R3HDM1: variants seen among roughly 807,000 people sequenced by gnomAD.
R3HDM1 encodes the protein R3H domain containing 1.
R3HDM1 carries 46 observed loss-of-function variants against 141.1 expected under a neutral mutation model. The ratio of observed to expected loss-of-function variants is 0.33; its 90% CI spans 0.26 to 0.42. The LOEUF (loss-of-function observed/expected upper bound fraction) is 0.42, where lower values mean the gene tolerates loss of function less well. R3HDM1 is among the 10% of genes least tolerant of loss of function. R3HDM1 has a pLI of 1.00. For missense variants in R3HDM1, 1,184 were observed against 1,368.3 expected (o/e 0.87, Z 2.12); for synonymous variants, 435 against 472.9 (o/e 0.92, Z 1.04).
rs2062752148 is a variant in R3HDM1, at chr2:135,631,909, A to G, written c.606A>G (p.Leu202=). 1 of 1,612,428 alleles carries G rather than the reference A, an allele frequency of 6.2e-7. No individual in the cohort carries two copies. The highest frequency in any genetic ancestry group is 8.5e-7 in the Non-Finnish European group (1 of 1,178,648). Residue 202 remains leucine, a synonymous_variant, in exon 9 of 27, where the codon CTA becomes CTG. Transcript: ENST00000683871. ...CAATGACATCTTACCATAGGATGCT[A>G]TTACACAGAGTAGCCGCTTACTTTG... The part of the protein sequence containing the change: ...FPPMTSYHRM[L]LHRVAAYFGL...
intron 21 of R3HDM1, among the ~76,000 whole-genome samples, chr2:135,704,708 C>T (rs1290471148): frequency 6.6e-6 from 1 of 151,978 alleles, no homozygotes. Flanking sequence ...AGCCGTCCTC[C>T]CCGGCCTCCC....
intron 9 of R3HDM1, among the ~76,000 whole-genome samples, chr2:135,632,567 AGTGTTACG>A (rs2062826588): frequency 6.6e-6 from 1 of 152,196 alleles, no homozygotes; most frequent in Admixed American, 6.5e-5. Context: ...ATTGCTTTAT[AGTGTTACG>A]GAAGTAGATC....
intron 7 of R3HDM1, among the ~76,000 whole-genome samples, chr2:135,630,419 A>G (rs1470942119): frequency 6.6e-6 from 1 of 152,042 alleles, no homozygotes; most frequent in East Asian, 1.9e-4. Context: ...AACCAAACTG[A>G]ATATTGCTAT....
chr2:135,651,906 A>C lies in R3HDM1; in HGVS notation c.1902A>C (p.Pro634=). ...PPPHPPPPPP[P]PPPPPPLPPG... ...CACATCCTCCTCCACCGCCACCACC[A>C]CCACCTCCTCCTCCTCCCCTACCAC... Residue 634 remains proline (P), a synonymous_variant, in exon 18 of 27, where the codon CCA becomes CCC. Transcript: ENST00000683871. The C allele has an allele frequency of 6.5e-6, 10 of 1,535,796 alleles. No individual in the cohort carries two copies. The highest frequency in any genetic ancestry group is 8.9e-6 in the Non-Finnish European group (10 of 1,122,386).
chr2:135,698,052 CAAAA>C (rs1193995693), intron 21 of R3HDM1, among the ~76,000 whole-genome samples: 2 of 72,926 alleles, frequency 2.7e-5, no homozygotes, highest in Non-Finnish European at 2.8e-5. Flanking sequence ...AACTCTGTCT[CAAAA>C]AAAAAAAAAA....
chr2:135,651,416 A>T, intron 17 of R3HDM1: 1 of 979,330 alleles, frequency 1.0e-6, no homozygotes, highest in Non-Finnish European at 1.2e-6. Context: ...TCACTTCTAC[A>T]TTCTAATGTT....
At chr2:135,711,680 C>G (rs1213814533) in intron 23 of R3HDM1, among the ~76,000 whole-genome samples, 9 of 147,620 alleles carry the variant, frequency 6.1e-5, no homozygotes, top group Non-Finnish European at 8.9e-5. Context: ...AAAAAAAACC[C>G]AGGCACAGTG....
intron 1 of R3HDM1, among the ~76,000 whole-genome samples, chr2:135,560,464 C>A (rs1021226976): frequency 6.6e-6 from 1 of 152,128 alleles, no homozygotes; most frequent in African/African-American, 2.4e-5. Flanking sequence ...CAGGCATGCA[C>A]CACCACATCC....
At chr2:135,618,164 A>AT (rs200816941) in intron 5 of R3HDM1, among the ~76,000 whole-genome samples, 1,874 of 141,046 alleles carry the variant, frequency 0.013, 30 homozygotes, top group Middle Eastern at 0.051. Context: ...TTAATTTATG[A>AT]TTTTTTTTTT....
In R3HDM1 at chr2:135,724,250, G is replaced by A. The variant is rs145238803; in HGVS notation, c.3363G>A (p.Lys1121=). Residue 1121 remains lysine, a synonymous_variant, in exon 27 of 27, where the codon AAG becomes AAA. Coordinates refer to ENST00000683871, the MANE Select transcript of R3HDM1 (RefSeq NM_001378107.1). ...AGTTTAAGCTGAGAACAAGCAAGAA[G>A]CACTATGACTTTCACATTTTGGAAA... ...VNKFKLRTSK[K]HYDFHILERA... 4.8e-4 allele frequency: 778 copies of A among 1,613,618 alleles called. 11 individuals carry two copies. The highest frequency in any genetic ancestry group is 1.0e-4 in the Non-Finnish European group (123 of 1,179,904).
At chr2:135,547,583 G>A (rs942384538) in intron 1 of R3HDM1, among the ~76,000 whole-genome samples, 1 of 150,096 alleles carries the variant, frequency 6.7e-6, no homozygotes, top group African/African-American at 2.5e-5. Flanking sequence ...CTTATGTCCC[G>A]CTCACAGGTC....
At chr2:135,583,820 A>C in intron 1 of R3HDM1, 1 of 985,460 alleles carries the variant, frequency 1.0e-6, no homozygotes, top group Non-Finnish European at 1.2e-6. Context: ...AAAGTTTATC[A>C]GCCATGTTAG....
intron 2 of R3HDM1, among the ~76,000 whole-genome samples, chr2:135,604,417 A>G (rs1350318040): frequency 1.3e-5 from 2 of 152,166 alleles, no homozygotes; most frequent in Non-Finnish European, 2.9e-5. Context: ...TGCCACAAGT[A>G]TATGTGCATC....
chr2:135,586,514 A>T, intron 1 of R3HDM1: 1 of 173,524 alleles, frequency 5.8e-6, no homozygotes, highest in Non-Finnish European at 1.1e-5. Flanking sequence ...AAGGTATGTG[A>T]CTCAATTCTT....
At chr2:135,568,540 T>G (rs551921932) in intron 1 of R3HDM1, among the ~76,000 whole-genome samples, 50 of 149,946 alleles carry the variant, frequency 3.3e-4, no homozygotes, top group African/African-American at 1.1e-3. Flanking sequence ...AGTAGAGACA[T>G]GGTTTCACCA....
Position 135,535,014 on chromosome 2 carries a change from A to C in R3HDM1, c.-250+3381A>C, listed in dbSNP as rs185017133. On this transcript the variant is annotated intron_variant, in intron 1 of 26. Transcript: ENST00000683871. ...TAAAATACTATTGCTATTTGAATTA[A>C]AAAATTTCACTATTGACTTTCCATA... Among the ~76,000 whole-genome samples, 3 of 152,320 alleles carry C rather than the reference A, an allele frequency of 2.0e-5. No homozygotes were observed. In the East Asian group the frequency reaches 5.8e-4, roughly 29 times the overall value.
chr2:135,663,805 T>C (rs1043704911), intron 19 of R3HDM1, among the ~76,000 whole-genome samples: 1 of 152,142 alleles, frequency 6.6e-6, no homozygotes, highest in South Asian at 2.1e-4. Flanking sequence ...GGCGGGTGGA[T>C]CACCTGAGGT....
chr2:135,612,799 T>G (rs1047797477), intron 3 of R3HDM1, among the ~76,000 whole-genome samples: 5 of 152,218 alleles, frequency 3.3e-5, no homozygotes, highest in Non-Finnish European at 7.4e-5. Context: ...ACTTTTAAAA[T>G]AATTACATAT....
At chr2:135,633,933 C>T (rs1434148343) in intron 9 of R3HDM1, 1 of 152,140 alleles carries the variant, frequency 6.6e-6, no homozygotes, top group East Asian at 1.9e-4. Context: ...CCTTATAGTT[C>T]ACTTTGGAAT....
Sources: gnomAD v4.1 joint callset for allele counts (sites outside exome capture counted in the v4.1 genomes callset) on GRCh38, gnomAD v4.1.1 for gene constraint, MANE v1.5 for transcripts, NCBI Gene and HGNC (gene_info 2026-07-23, HGNC 2026-07-21) for gene names.